The following MRE11 variants were observed in gnomAD, a reference collection of about 807,000 sequenced individuals.
MRE11 encodes MRE11 double strand break repair nuclease, also known as double-strand break repair protein MRE11.
MRE11 carries 62 observed loss-of-function variants against 91.7 expected under a neutral mutation model. That is an observed-to-expected ratio of 0.68 (90% confidence interval 0.55 to 0.84). MRE11 has a LOEUF of 0.84. Ranked by LOEUF, MRE11 falls within the 40% of genes least tolerant of loss-of-function variation. The pLI, the probability that MRE11 is intolerant of heterozygous loss-of-function variation, is 0.00. For synonymous variants in MRE11, 273 were observed against 271.4 expected (o/e 1.01, Z -0.06); for missense variants, 796 against 852.9 (o/e 0.93, Z 0.83).
chr11:94,429,972 G>T lies in MRE11; in HGVS notation c.2009C>A (p.Ser670Ter). ...SKTDQRWSST[S>*]SSKIMSQSQV... ...ACTCTGGGACATGATTTTGCTGGAT[G>T]ATGTGCTGGACCACCTGAGGCAAAA... Residue 670 changes from serine (S) to a stop codon, truncating the protein, a stop_gained, in exon 19 of 20, where the codon TCA (serine) becomes TAA (stop). Transcript: ENST00000323929. LOFTEE classifies it high-confidence loss of function. The T allele has an allele frequency of 6.2e-7, 1 of 1,614,088 alleles. No homozygotes were observed. The highest frequency in any genetic ancestry group is 2.2e-5 in the East Asian group (1 of 44,870).
intron 18 of MRE11, among the ~76,000 whole-genome samples, chr11:94,434,542 A>AG (rs1388570589): frequency 8.5e-5 from 13 of 152,130 alleles, no homozygotes; most frequent in African/African-American, 3.1e-4. Flanking sequence ...CACTGATATA[A>AG]GGCTTTTTCC....
chr11:94,486,095 G>GA lies in MRE11; in HGVS notation c.154-12dup, dbSNP rs1381187514. 2 of 1,612,608 alleles carry GA rather than the reference G, an allele frequency of 1.2e-6. No homozygotes were observed. ...CAAAATAAAATCCACCTGATCAACA[G>GA]AAAAAGGTGTTAAAATTAGTATGTT... On this transcript the variant is annotated splice_polypyrimidine_tract_variant and intron_variant, in intron 3 of 19. Transcript: ENST00000323929.
intron 16 of MRE11, among the ~76,000 whole-genome samples, chr11:94,443,597 T>A (rs1202379528): frequency 1.3e-5 from 2 of 152,186 alleles, no homozygotes; most frequent in Admixed American, 1.3e-4. Context: ...GAAACTTAAA[T>A]CAGTATGTTT....
chr11:94,494,783 A>C (rs1368872979), upstream of MRE11, among the ~76,000 whole-genome samples: 1 of 152,238 alleles, frequency 6.6e-6, no homozygotes, highest in Non-Finnish European at 1.5e-5. Context: ...TTTTATTGAA[A>C]GGAAAAGCAT....
intron 19 of MRE11, among the ~76,000 whole-genome samples, chr11:94,424,401 T>C (rs1320272647): frequency 1.3e-5 from 2 of 152,162 alleles, no homozygotes; most frequent in Admixed American, 1.3e-4. Flanking sequence ...AATAGCCCTC[T>C]AACATGAGAA....
chr11:94,501,499 A>G, the MRE11 span, among the ~76,000 whole-genome samples: 4 of 152,306 alleles, frequency 2.6e-5, no homozygotes, highest in East Asian at 5.8e-4. Context: ...TATGAGATAT[A>G]TATTTAAAAT....
intron 16 of MRE11, among the ~76,000 whole-genome samples, chr11:94,443,918 A>ATTG (rs1555004110): frequency 2.2e-5 from 3 of 135,166 alleles, no homozygotes; most frequent in Non-Finnish European, 3.2e-5. Context: ...CCTTCAACCA[A>ATTG]TTTTTTTTTT....
chr11:94,471,579 T>C lies in MRE11; in HGVS notation c.840A>G (p.Val280=), dbSNP rs786201550. The change falls in exon 8 of 20, where the codon GTA becomes GTG. Residue 280 remains valine, a synonymous_variant. Coordinates refer to ENST00000323929, the MANE Select transcript of MRE11 (RefSeq NM_005591.4). ...VVTSLSPGEA[V]KKHVGLLRIK... Reference sequence around the variant, plus strand: ...TCAAAATATATAACACTCACTTCTTTACAGCTTCTCCTGGGGAAAGAGAAG... The same window carrying C: ...TCAAAATATATAACACTCACTTCTTCACAGCTTCTCCTGGGGAAAGAGAAG... The C allele has an allele frequency of 2.4e-5, 38 of 1,612,224 alleles. No individual in the cohort carries two copies. Among genetic ancestry groups the C allele is most frequent in the Non-Finnish European group, 3.1e-5 (36 of 1,178,822 alleles).
chr11:94,449,163 G>T (rs73517505), intron 14 of MRE11, among the ~76,000 whole-genome samples: 250 of 152,268 alleles, frequency 1.6e-3, no homozygotes, highest in African/African-American at 5.7e-3. Context: ...TAAATGAGGA[G>T]ATGTGAACAA....
At chr11:94,496,811 G>T, upstream of MRE11, 1 of 1,613,972 alleles carries the variant, frequency 6.2e-7, no homozygotes, top group Non-Finnish European at 8.5e-7. Context: ...TATTCCTACT[G>T]GTACTCAAAG....
chr11:94,448,115 A>T (rs1591656417), intron 14 of MRE11, among the ~76,000 whole-genome samples: 2 of 152,198 alleles, frequency 1.3e-5, no homozygotes, highest in African/African-American at 4.8e-5. Context: ...GGAAATAATA[A>T]GAAAAAAACT....
chr11:94,463,863 T>C (rs1946486976), intron 11 of MRE11, among the ~76,000 whole-genome samples: 1 of 152,104 alleles, frequency 6.6e-6, no homozygotes. Flanking sequence ...CACACCAACA[T>C]GGCACATGTA....
At chr11:94,421,366 TAAG>T (rs1218981995) in intron 19 of MRE11, among the ~76,000 whole-genome samples, 8 of 152,352 alleles carry the variant, frequency 5.3e-5, no homozygotes, top group Middle Eastern at 3.4e-3. Flanking sequence ...ATGGATGCCT[TAAG>T]AAATATAAAT....
chr11:94,504,802 A>C, the MRE11 span, among the ~76,000 whole-genome samples: 1 of 152,188 alleles, frequency 6.6e-6, no homozygotes, highest in Non-Finnish European at 1.5e-5. Flanking sequence ...AAAACTTTTT[A>C]TTTCTTTGAT....
intron 9 of MRE11, among the ~76,000 whole-genome samples, chr11:94,468,319 G>C (rs922307731): frequency 6.6e-6 from 1 of 152,128 alleles, no homozygotes; most frequent in Non-Finnish European, 1.5e-5. Context: ...AAATAAGACT[G>C]ATGTTTTCAA....
intron 19 of MRE11, 117 bp from the exon 20 acceptor site, chr11:94,420,298 A>T: frequency 1.3e-6 from 1 of 743,310 alleles, no homozygotes; most frequent in Non-Finnish European, 2.3e-6. Context: ...GATAGACTTT[A>T]TTTTTCTATT....
chr11:94,428,309 TA>T (rs1329289183), intron 19 of MRE11, among the ~76,000 whole-genome samples: 1 of 152,162 alleles, frequency 6.6e-6, no homozygotes, highest in African/African-American at 2.4e-5. Context: ...CCCTATTCAA[TA>T]AATGGTGCTA....
chr11:94,458,766 C>A (rs1449735961), intron 13 of MRE11, among the ~76,000 whole-genome samples: 1 of 152,098 alleles, frequency 6.6e-6, no homozygotes, highest in Non-Finnish European at 1.5e-5. Flanking sequence ...CTTTGATTAT[C>A]CTAGGCTAAA....
Position 94,459,574 on chromosome 11 carries a change from T to A in MRE11, c.1334A>T (p.Gln445Leu), listed in dbSNP as rs371730091. The A allele has an allele frequency of 6.2e-7, 1 of 1,613,920 alleles. No homozygotes were observed. ...QYFQTAEKNV[Q>L]LSLLTERGMG... The stretch of plus-strand genomic sequence containing the variant: ...CCCTCTTTCTGTTAGCAGTGAGAGC[T>A]GCACATTCTGTAAGATACAAATCAC... The change falls in exon 13 of 20, where the codon CAG (glutamine) becomes CTG (leucine). Residue 445 changes from glutamine (Q) to leucine (L), a missense_variant. Transcript: ENST00000323929.
Sources: gnomAD v4.1 joint callset for allele counts (sites outside exome capture counted in the v4.1 genomes callset) on GRCh38, gnomAD v4.1.1 for gene constraint, MANE v1.5 for transcripts, NCBI Gene and HGNC (gene_info 2026-07-23, HGNC 2026-07-21) for gene names.